TUBB: variants seen among roughly 807,000 people sequenced by gnomAD.
The protein encoded by TUBB is tubulin beta chain.
TUBB carries 2 observed loss-of-function variants against 35.1 expected under a neutral mutation model. The observed-to-expected ratio is 0.06, with a 90% confidence interval of 0.02 to 0.18. The LOEUF is 0.18. TUBB is among the 10% of genes least tolerant of loss of function. The pLI, the probability that TUBB is intolerant of heterozygous loss-of-function variation, is 1.00. For missense variants in TUBB, 50 were observed against 599.4 expected, an observed-to-expected ratio of 0.08 and a Z score of 9.57; for synonymous variants, 205 against 223.8, an observed-to-expected ratio of 0.92 and a Z score of 0.75.
intron 1 of TUBB, chr6:30,721,641 C>G (rs1378084334): frequency 1.0e-6 from 1 of 985,288 alleles, no homozygotes; most frequent in African/African-American, 1.7e-5. Flanking sequence ...TTTCCTCAGA[C>G]CCCCAGCCTT....
rs750204375 is a variant in TUBB at position 30,720,395 on chromosome 6, A to G, written c.-112A>G. 1 of 1,037,992 alleles carries G rather than the reference A, an allele frequency of 9.6e-7. No individual in the cohort carries two copies. The highest frequency in any genetic ancestry group is 1.5e-6 in the Non-Finnish European group (1 of 667,796). The allele number at this position is 1,037,992 out of a possible 1,614,324, so 64.3% of individuals were successfully genotyped here. A position where few individuals can be genotyped will look rare whatever the true frequency, so the allele number is the denominator to read the frequency against. ...CGTCGCGTTTGCACCTCGCTGCTCC[A>G]GCCTCTGGGGCGCATTCCAACCTTC... is the stretch of plus-strand genomic sequence containing the variant. On this transcript the variant is annotated 5_prime_UTR_variant, in exon 1 of 4. Coordinates refer to ENST00000327892, the MANE Select transcript of TUBB (RefSeq NM_178014.4).
In TUBB at chr6:30,724,358, G is replaced by A. The variant is rs1316896514; in HGVS notation, c.1296G>A (p.Glu432=). The A allele has an allele frequency of 9.9e-6, 16 of 1,612,584 alleles. No individual in the cohort carries two copies. Among genetic ancestry groups the A allele is most frequent in the East Asian group, 2.2e-5 (1 of 44,890 alleles). Residue 432 remains glutamate (E), a synonymous_variant, in exon 4 of 4, where the codon GAG becomes GAA. Transcript: ENST00000327892. This position sits in a 1 kb window ranked among gnomAD's most constrained non-coding sequence, Gnocchi z 4.4. ...YQQYQDATAE[E]EEDFGEEAEE... ...AGTACCAGGATGCCACCGCAGAAGA[G>A]GAGGAGGATTTCGGTGAGGAGGCCG...
chr6:30,724,825 A>G lies in TUBB; in HGVS notation c.*428A>G, dbSNP rs1776533562. 5.7e-6 allele frequency: 1 copy of G among 174,244 alleles called. No homozygotes were observed. Among genetic ancestry groups the G allele is most frequent in the African/African-American group, 2.4e-5 (1 of 42,154 alleles). 10.8% of individuals were successfully genotyped at this position (174,244 alleles called of 1,614,324 possible). A position where few individuals can be genotyped will look rare whatever the true frequency, so the allele number is the denominator to read the frequency against. On this transcript the variant is annotated 3_prime_UTR_variant, in exon 4 of 4. Transcript: ENST00000327892. This position sits in a 1 kb window ranked among gnomAD's most constrained non-coding sequence, Gnocchi z 4.4. ...GTGGGTAGAAGTCACTATATAAGGA[A>G]GGGGATGGGATTTTCCATTCTAAAA... is the stretch of plus-strand genomic sequence containing the variant.
At chr6:30,722,492 G>T (rs1446884487) in intron 1 of TUBB, 45 bp from the exon 2 acceptor site, 1 of 1,308,580 alleles carries the variant, frequency 7.6e-7, no homozygotes. Context: ...GGACATAGTT[G>T]GCTGGGACTT....
intron 1 of TUBB, chr6:30,721,573 G>A: frequency 1.0e-6 from 1 of 985,420 alleles, no homozygotes; most frequent in South Asian, 4.7e-5. Flanking sequence ...GGCTCGACCT[G>A]CGCGTGCGCC....
chr6:30,725,326 A>G lies in TUBB; in HGVS notation c.*929A>G, dbSNP rs1389667555. On this transcript the variant is annotated 3_prime_UTR_variant, in exon 4 of 4. Coordinates refer to ENST00000327892, the MANE Select transcript of TUBB (RefSeq NM_178014.4). ...CACACTTGGTTTTGTTCTATCCTAC[A>G]TTTGAGATTTCTATTTTATGTTGAA... The G allele has an allele frequency of 1.3e-5, 2 of 154,302 alleles. No individual in the cohort carries two copies. Among genetic ancestry groups the G allele is most frequent in the African/African-American group, 4.8e-5 (2 of 41,420 alleles). 9.6% of individuals were successfully genotyped at this position (154,302 alleles called of 1,614,324 possible). A position where few individuals can be genotyped will look rare whatever the true frequency, so the allele number is the denominator to read the frequency against.
At chr6:30,722,676 C>G (rs1395668412) in intron 2 of TUBB, 31 bp downstream of exon 2, 1 of 1,559,542 alleles carries the variant, frequency 6.4e-7, no homozygotes, top group East Asian at 2.2e-5. Context: ...AGCTCAGGTT[C>G]CCTTCCCTGT....
At chr6:30,723,270 G>A in intron 3 of TUBB, 70 bp from the exon 4 acceptor site, 2 of 1,295,922 alleles carry the variant, frequency 1.5e-6, no homozygotes, top group Non-Finnish European at 2.1e-6. Context: ...TATTTGAAAA[G>A]TTGAAAGATG....
Position 30,721,532 on chromosome 6 carries a change from G to C in TUBB, c.57+969G>C, listed in dbSNP as rs1776250741. ...CTCGCGCGCGGAATTTTTGTCCCTG[G>C]CCCCGCCCACGCGCGAAGTCTTTTG... On this transcript the variant is annotated intron_variant, in intron 1 of 3. Coordinates refer to ENST00000327892, the MANE Select transcript of TUBB (RefSeq NM_178014.4). The C allele has an allele frequency of 5.1e-6, 5 of 984,640 alleles. No individual in the cohort carries two copies. The South Asian group carries it at 1.9e-4, about 37-fold the overall frequency. 61.0% of individuals were successfully genotyped at this position (984,640 alleles called of 1,614,324 possible).
At chr6:30,721,577 G>C (rs1312192976) in intron 1 of TUBB, 1 of 985,402 alleles carries the variant, frequency 1.0e-6, no homozygotes, top group East Asian at 1.1e-4. Flanking sequence ...CGACCTGCGC[G>C]TGCGCCGCAG....
At chr6:30,721,391 C>CTACGTTGTAGCAGAAGGGCGGA (rs1396046983) in intron 1 of TUBB, among the ~76,000 whole-genome samples, 3 of 147,688 alleles carry the variant, frequency 2.0e-5, no homozygotes, top group Admixed American at 6.7e-5. Context: ...GGAAGTGCGG[C>CTACGTTGTAGCAGAAGGGCGGA]TGCTACGTTG....
Position 30,720,430 on chromosome 6 carries a change from A to G in TUBB, c.-77A>G. The G allele has an allele frequency of 1.0e-5, 15 of 1,456,196 alleles. 1 individual carries two copies. The South Asian group carries it at 1.7e-4, about 17-fold the overall frequency. 90.2% of individuals were successfully genotyped at this position (1,456,196 alleles called of 1,614,324 possible). A position where few individuals can be genotyped will look rare whatever the true frequency, so the allele number is the denominator to read the frequency against. ...GCGCATTCCAACCTTCCAGCCTGCGACCTGCGGAGAAAAAAAATTACTTAT... is the reference window on the plus strand; with the variant it reads ...GCGCATTCCAACCTTCCAGCCTGCGGCCTGCGGAGAAAAAAAATTACTTAT... On this transcript the variant is annotated 5_prime_UTR_variant, in exon 1 of 4. Coordinates refer to ENST00000327892, the MANE Select transcript of TUBB (RefSeq NM_178014.4).
At chr6:30,721,984 C>A in intron 1 of TUBB, 1 of 834,012 alleles carries the variant, frequency 1.2e-6, no homozygotes, top group Non-Finnish European at 1.4e-6. Flanking sequence ...CACGTTTCTA[C>A]AAAAAATAAA....
At chr6:30,722,673 G>GT in intron 2 of TUBB, 28 bp downstream of exon 2, 5 of 1,580,944 alleles carry the variant, frequency 3.2e-6, no homozygotes, top group Non-Finnish European at 4.3e-6. Flanking sequence ...GGCAGCTCAG[G>GT]TTCCCTTCCC....
At chr6:30,720,644 G>T in intron 1 of TUBB, 81 bp downstream of exon 1, 1 of 1,263,242 alleles carries the variant, frequency 7.9e-7, no homozygotes, top group Non-Finnish European at 1.1e-6. Context: ...TGGGGCATTT[G>T]CACCCGCTAT....
At chr6:30,720,885 G>A (rs1776176627) in intron 1 of TUBB, among the ~76,000 whole-genome samples, 1 of 152,258 alleles carries the variant, frequency 6.6e-6, no homozygotes, top group African/African-American at 2.4e-5. Flanking sequence ...ATGCGGAAAC[G>A]GTCGCAGACA....
Position 30,724,205 on chromosome 6 carries a change from C to T in TUBB, c.1143C>T (p.Ile381=). ...STAIQELFKR[I]SEQFTAMFRR... is the part of the protein sequence containing the mutation. ...CCATCCAGGAGCTCTTCAAGCGCAT[C>T]TCGGAGCAGTTCACTGCCATGTTCC... is the stretch of plus-strand genomic sequence containing the variant. The change falls in exon 4 of 4, where the codon ATC becomes ATT. Residue 381 remains isoleucine (I), a synonymous_variant. Coordinates refer to ENST00000327892, the MANE Select transcript of TUBB (RefSeq NM_178014.4). This position sits in a 1 kb window ranked among gnomAD's most constrained non-coding sequence, Gnocchi z 4.4. 1 of 1,614,056 alleles carries T rather than the reference C, an allele frequency of 6.2e-7. No homozygotes were observed. The highest frequency in any genetic ancestry group is 8.5e-7 in the Non-Finnish European group (1 of 1,179,914).
At position 30,720,480 on chromosome 6, in the gene TUBB, G is replaced by A; in HGVS notation, c.-27G>A. On this transcript the variant is annotated 5_prime_UTR_variant, in exon 1 of 4. Transcript: ENST00000327892. ...TTTTCTTGCCCCATACATACCTTGA[G>A]GCGAGCAAAAAAATTAAATTTTAAC... 1 of 1,613,858 alleles carries A rather than the reference G, an allele frequency of 6.2e-7. No homozygotes were observed. Among genetic ancestry groups the A allele is most frequent in the Non-Finnish European group, 8.5e-7 (1 of 1,179,760 alleles).
rs1776552685 is a variant in TUBB at position 30,725,014 on chromosome 6, T to C, written c.*617T>C. On this transcript the variant is annotated 3_prime_UTR_variant, in exon 4 of 4. Coordinates refer to ENST00000327892, the MANE Select transcript of TUBB (RefSeq NM_178014.4). ...GTCCCACTCTGTCAAGTGGAATCCT[T>C]CCCTTTCCAACTCTACCTCCCTCAC... is the stretch of plus-strand genomic sequence containing the variant. 6.6e-6 allele frequency: 1 copy of C among 152,012 alleles called. No individual in the cohort carries two copies. Among genetic ancestry groups the C allele is most frequent in the South Asian group, 2.1e-4 (1 of 4,812 alleles). 9.4% of individuals were successfully genotyped at this position (152,012 alleles called of 1,614,324 possible).
Sources: allele counts gnomAD v4.1 joint callset (sites outside exome capture counted in the v4.1 genomes callset), GRCh38; gene constraint gnomAD v4.1.1; non-coding constraint Gnocchi (gnomAD v3.1); transcripts MANE v1.5; gene names NCBI Gene and HGNC (gene_info 2026-07-23, HGNC 2026-07-21).